Variants in BCO2 observed in about 807,000 individuals in gnomAD.
The protein encoded by BCO2 is carotenoid-cleaving dioxygenase, mitochondrial.
A neutral mutation model predicts 65.8 loss-of-function variants in BCO2; 56 were observed. The ratio of observed to expected loss-of-function variants is 0.85; its 90% confidence interval spans 0.69 to 1.06. The LOEUF (loss-of-function observed/expected upper bound fraction) is 1.06, where lower values mean the gene tolerates loss of function less well. Ranked by LOEUF, BCO2 falls within the 50% of genes least tolerant of loss-of-function variation. The pLI is 0.00. For missense variants in BCO2, 675 were observed against 698.5 expected (o/e 0.97, Z 0.38); for synonymous variants, 233 against 242.3 (o/e 0.96, Z 0.36).
intron 2 of BCO2, among the ~76,000 whole-genome samples, chr11:112,189,298 A>G (rs1349070196): frequency 2.0e-5 from 3 of 151,972 alleles, no homozygotes; most frequent in Non-Finnish European, 4.4e-5. Context: ...AGGCAGGAGG[A>G]TTGCTTGAGG....
At chr11:112,192,925 G>GTTTTTTTTTGTTTTTTTTTTTTTTTTT (rs1867434124) in intron 2 of BCO2, among the ~76,000 whole-genome samples, 1 of 36,658 alleles carries the variant, frequency 2.7e-5, no homozygotes, top group African/African-American at 1.0e-4. Flanking sequence ...AAAATGTGAG[G>GTTTTTTTTTGTTTTTTTTTTTTTTTTT]TTTTTTTTTT....
chr11:112,193,990 A>G lies in BCO2; in HGVS notation c.629A>G (p.Glu210Gly), dbSNP rs757645514. 1 of 1,550,998 alleles carries G rather than the reference A, an allele frequency of 6.4e-7. No homozygotes were observed. The highest frequency in any genetic ancestry group is 2.2e-5 in the East Asian group (1 of 44,562). The part of the protein sequence containing the change: ...KVDIETLEKT[E>G]KVDWSKFIAV... ...GACATTGAAACTCTGGAAAAAACAG[A>G]AAAGGTAAAGTACAGGTAAAAAAAA... The change falls in exon 4 of 12, where the codon GAA (glutamate) becomes GGA (glycine). Residue 210 changes from glutamate (E) to glycine (G), a missense_variant. Coordinates refer to ENST00000357685, the MANE Select transcript of BCO2 (RefSeq NM_031938.7).
chr11:112,216,162 T>C (rs941192269), intron 10 of BCO2, 58 bp from the exon 11 acceptor site: 1 of 1,179,208 alleles, frequency 8.5e-7, no homozygotes, highest in Non-Finnish European at 1.3e-6. Flanking sequence ...ACAAAAGCCA[T>C]AGAAAGCTCC....
At position 112,193,632 on chromosome 11, in the gene BCO2, CG is replaced by C; in HGVS notation, c.454del (p.Asp152IlefsTer23). On this transcript the variant is annotated frameshift_variant, in exon 3 of 12. Coordinates refer to ENST00000357685, the MANE Select transcript of BCO2 (RefSeq NM_031938.7). LOFTEE classifies it high-confidence loss of function. ...TCAGAATTTGGCACACTGGCTCTCCCGGATCCATGCAAGAATGTTTTTGAAC... is the reference window on the plus strand; with the variant it reads ...TCAGAATTTGGCACACTGGCTCTCCCGATCCATGCAAGAATGTTTTTGAAC... ...VISEFGTLAL[P>X]DPCKNVFERF... 1 of 1,614,084 alleles carries C rather than the reference CG, an allele frequency of 6.2e-7. No homozygotes were observed. The highest frequency in any genetic ancestry group is 8.5e-7 in the Non-Finnish European group (1 of 1,179,990).
Position 112,179,354 on chromosome 11 carries a change from A to G in BCO2, c.165A>G (p.Ala55=). The change falls in exon 2 of 12, where the codon GCA becomes GCG. Residue 55 remains alanine, a synonymous_variant. Coordinates refer to ENST00000357685, the MANE Select transcript of BCO2 (RefSeq NM_031938.7). Reference sequence around the variant, plus strand: ...AGTGTCGGGGTCTGCCATGTGTTGCACCGCTGCTGACCACAGTGGAAGAGG... The same window carrying G: ...AGTGTCGGGGTCTGCCATGTGTTGCGCCGCTGCTGACCACAGTGGAAGAGG... The part of the protein sequence containing the change: ...FGQCRGLPCV[A]PLLTTVEEAP... 2 of 1,614,144 alleles carry G rather than the reference A, an allele frequency of 1.2e-6. No homozygotes were observed. The highest frequency in any genetic ancestry group is 2.2e-5 in the South Asian group (2 of 91,078).
chr11:112,210,376 G>C (rs1347422598), intron 8 of BCO2, among the ~76,000 whole-genome samples: 1 of 152,170 alleles, frequency 6.6e-6, no homozygotes, highest in Non-Finnish European at 1.5e-5. Context: ...GACACAAGAT[G>C]ATGTTATTTT....
chr11:112,182,618 G>A (rs966209416), intron 2 of BCO2, among the ~76,000 whole-genome samples: 17 of 151,464 alleles, frequency 1.1e-4, no homozygotes, highest in Non-Finnish European at 2.1e-4. Flanking sequence ...ACCAAATACC[G>A]CATGTTCTCA....
At chr11:112,214,534 C>T (rs1024769041) in intron 9 of BCO2, among the ~76,000 whole-genome samples, 7 of 152,184 alleles carry the variant, frequency 4.6e-5, no homozygotes, top group Admixed American at 6.5e-5. Flanking sequence ...AAGAATAAAA[C>T]GCATATCTCC....
chr11:112,211,198 A>G (rs1288964715), intron 8 of BCO2, among the ~76,000 whole-genome samples: 1 of 152,086 alleles, frequency 6.6e-6, no homozygotes, highest in Non-Finnish European at 1.5e-5. Context: ...GTGGGGTCAT[A>G]CAATACTTGT....
In BCO2 at chr11:112,201,087, ATCT is replaced by A. The variant is rs1240622128; in HGVS notation, c.1026+318_1026+320del. ...TAAAGAGGGTGTTGTTCGTGCAGAA[ATCT>A]TCTGTAATTTTTGCAGTAATACTTT... On this transcript the variant is annotated intron_variant, in intron 7 of 11. Transcript: ENST00000357685. Among the ~76,000 whole-genome samples the A allele has an allele frequency of 2.6e-5, 4 of 152,222 alleles. No individual in the cohort carries two copies. In the East Asian group the frequency reaches 5.8e-4, roughly 22 times the overall value.
At chr11:112,196,469 C>G (rs1300931356) in intron 5 of BCO2, among the ~76,000 whole-genome samples, 1 of 152,098 alleles carries the variant, frequency 6.6e-6, no homozygotes, top group African/African-American at 2.4e-5. Context: ...TTTTAAAAGG[C>G]TTTTTAAAAT....
At chr11:112,198,992 G>T (rs1447979937) in intron 5 of BCO2, among the ~76,000 whole-genome samples, 1 of 151,806 alleles carries the variant, frequency 6.6e-6, no homozygotes, top group Non-Finnish European at 1.5e-5. Context: ...AAGTTCTGGG[G>T]TACATGTGCA....
chr11:112,196,202 A>C (rs1429106408), intron 5 of BCO2, among the ~76,000 whole-genome samples: 1 of 152,182 alleles, frequency 6.6e-6, no homozygotes, highest in Non-Finnish European at 1.5e-5. Flanking sequence ...AGTTGCTGAG[A>C]CAGGAAATTC....
intron 2 of BCO2, among the ~76,000 whole-genome samples, chr11:112,193,017 GC>G (rs1867443769): frequency 8.5e-6 from 1 of 117,852 alleles, no homozygotes; most frequent in African/African-American, 3.2e-5. Context: ...TCCCTCTGTC[GC>G]CCAGGCTGAA....
intron 8 of BCO2, among the ~76,000 whole-genome samples, chr11:112,213,486 C>T (rs965757849): frequency 9.9e-5 from 15 of 152,018 alleles, no homozygotes; most frequent in African/African-American, 3.1e-4. Flanking sequence ...ATCATTCCTC[C>T]ACTAGAATAT....
At chr11:112,211,081 T>G (rs1405895925) in intron 8 of BCO2, among the ~76,000 whole-genome samples, 1 of 152,136 alleles carries the variant, frequency 6.6e-6, no homozygotes, top group Non-Finnish European at 1.5e-5. Context: ...ACAGAAACTC[T>G]GTACCCATTA....
At position 112,217,771 on chromosome 11, in the gene BCO2, A is replaced by C; in HGVS notation, c.1637A>C (p.Asn546Thr). The change falls in exon 12 of 12, where the codon AAT (asparagine) becomes ACT (threonine). Residue 546 changes from asparagine to threonine, a missense_variant. Physicochemically the swap from Asn to Thr is moderately conservative, Grantham distance 65. Coordinates refer to ENST00000357685, the MANE Select transcript of BCO2 (RefSeq NM_031938.7). ...VVITPNQNES[N>T]FILVLDAKNF... is the part of the protein sequence containing the mutation. Reference sequence around the variant, plus strand: ...TCTTTTCTTTTCTAGAATGAAAGCAATTTTATCCTAGTTTTGGATGCCAAG... The same window carrying C: ...TCTTTTCTTTTCTAGAATGAAAGCACTTTTATCCTAGTTTTGGATGCCAAG... 6.2e-7 allele frequency: 1 copy of C among 1,610,320 alleles called. No individual in the cohort carries two copies. Among genetic ancestry groups the C allele is most frequent in the Admixed American group, 1.7e-5 (1 of 59,472 alleles).
chr11:112,214,902 G>T lies in BCO2; in HGVS notation c.1473G>T (p.Gly491=), dbSNP rs1336946869. 1 of 1,614,148 alleles carries T rather than the reference G, an allele frequency of 6.2e-7. No homozygotes were observed. The highest frequency in any genetic ancestry group is 8.5e-7 in the Non-Finnish European group (1 of 1,180,014). Residue 491 remains glycine, a synonymous_variant, in exon 10 of 12, where the codon GGG becomes GGT. Coordinates refer to ENST00000357685, the MANE Select transcript of BCO2 (RefSeq NM_031938.7). The stretch of plus-strand genomic sequence containing the variant: ...GCTGTGGCTTTCGGCATTTAGTGGG[G>T]GATTCTCTGATCAAGGTTGATGTGG... The part of the protein sequence containing the change: ...FYGCGFRHLV[G]DSLIKVDVVN...
chr11:112,203,984 G>A (rs1348006154), intron 8 of BCO2, among the ~76,000 whole-genome samples: 1 of 152,060 alleles, frequency 6.6e-6, no homozygotes, highest in Non-Finnish European at 1.5e-5. Flanking sequence ...CTCCCGAGTA[G>A]CTGGGACTAC....
Sources: gnomAD v4.1 joint callset for allele counts (sites outside exome capture counted in the v4.1 genomes callset) on GRCh38, gnomAD v4.1.1 for gene constraint, MANE v1.5 for transcripts, NCBI Gene and HGNC (gene_info 2026-07-23, HGNC 2026-07-21) for gene names.